The following PDE1A variants were observed in gnomAD, a reference collection of about 807,000 sequenced individuals.
The protein encoded by PDE1A is phosphodiesterase 1A, also known as dual specificity calcium/calmodulin-dependent 3',5'-cyclic nucleotide phosphodiesterase 1A.
Under a neutral mutation model 61.7 loss-of-function variants are expected in PDE1A, and 35 were observed. That is an observed-to-expected ratio of 0.57 (90% confidence interval 0.43 to 0.75). The LOEUF (loss-of-function observed/expected upper bound fraction) is 0.75. Among genes scored for constraint, PDE1A ranks in the 30% least tolerant of loss-of-function variants. The pLI is 0.00. For missense variants in PDE1A, 597 were observed against 630.6 expected (o/e 0.95, Z 0.57); for synonymous variants, 232 against 213.2 (o/e 1.09, Z -0.77).
the PDE1A span, among the ~76,000 whole-genome samples, chr2:182,648,511 C>CAAAAAAA: frequency 1.4e-4 from 11 of 76,190 alleles, no homozygotes; most frequent in African/African-American, 2.4e-4. Context: ...CCTGTCCCCA[C>CAAAAAAA]AAAAAAAAAA....
At chr2:182,196,743 G>A (rs753069044) in intron 10 of PDE1A, among the ~76,000 whole-genome samples, 4 of 150,890 alleles carry the variant, frequency 2.7e-5, no homozygotes, top group Non-Finnish European at 6.0e-5. Context: ...ATTGTCATTT[G>A]TATCATTAGT....
chr2:182,204,061 A>G (rs984738360), intron 8 of PDE1A, among the ~76,000 whole-genome samples: 1 of 152,196 alleles, frequency 6.6e-6, no homozygotes, highest in South Asian at 2.1e-4. Flanking sequence ...ATAACAAAAT[A>G]TAATAGGAAA....
chr2:182,207,587 G>A (rs1394326015), intron 7 of PDE1A, among the ~76,000 whole-genome samples: 1 of 152,216 alleles, frequency 6.6e-6, no homozygotes, highest in African/African-American at 2.4e-5. Context: ...TAAAATAGTT[G>A]CAGCCTGACC....
chr2:182,244,285 A>G (rs1041804077), intron 2 of PDE1A, among the ~76,000 whole-genome samples: 2 of 151,976 alleles, frequency 1.3e-5, no homozygotes, highest in Non-Finnish European at 2.9e-5. Context: ...TCTAGTTTCC[A>G]TATCTATCAT....
chr2:182,647,445 T>C, the PDE1A span, among the ~76,000 whole-genome samples: 1 of 152,354 alleles, frequency 6.6e-6, no homozygotes, highest in Admixed American at 6.5e-5. Flanking sequence ...TCATTTTTCC[T>C]ATGGTATCTT....
chr2:182,294,495 C>T (rs1391268261), intron 1 of PDE1A, among the ~76,000 whole-genome samples: 1 of 152,132 alleles, frequency 6.6e-6, no homozygotes, highest in Non-Finnish European at 1.5e-5. Context: ...CATGAAAACA[C>T]ACATATGAGG....
At chr2:182,684,809 A>G in the PDE1A span, among the ~76,000 whole-genome samples, 1 of 152,174 alleles carries the variant, frequency 6.6e-6, no homozygotes, top group Admixed American at 6.5e-5. Flanking sequence ...TTAATTGACC[A>G]TATAACATAT....
rs916480367 is a variant in PDE1A, at chr2:182,380,818, T to C, written c.53+45760A>G. Among the ~76,000 whole-genome samples the C allele has an allele frequency of 1.0e-3, 159 of 152,216 alleles. 16 individuals carry two copies. The highest frequency in any genetic ancestry group is 1.2e-4 in the African/African-American group (5 of 41,458). ...CCAGTTCACAAGGTAACCAGACTAA[T>C]AGTTATTTAATAAAGCAATAAATAT... On this transcript the variant is annotated intron_variant, in intron 1 of 13. Transcript: ENST00000351439.
rs114356850 is a variant in PDE1A at position 182,372,266 on chromosome 2, G to T, written c.53+54312C>A. Among the ~76,000 whole-genome samples the T allele has an allele frequency of 8.6e-3, 1,313 of 152,280 alleles. 14 individuals are homozygous for T. The highest frequency in any genetic ancestry group is 0.028 in the African/African-American group (1,171 of 41,552). ...CTGCATAACTGCTATGAGGAGGAAG[G>T]TATTGTGTTTGACATTACATAGGGG... On this transcript the variant is annotated intron_variant, in intron 1 of 13. Coordinates refer to ENST00000351439, the Ensembl canonical transcript of PDE1A.
chr2:182,411,322 C>T (rs1702603227), intron 1 of PDE1A, among the ~76,000 whole-genome samples: 2 of 152,192 alleles, frequency 1.3e-5, no homozygotes, highest in Admixed American at 1.3e-4. Flanking sequence ...GCGATATTTG[C>T]ACACACTGTT....
At chr2:182,641,886 C>T in the PDE1A span, among the ~76,000 whole-genome samples, 788 of 152,248 alleles carry the variant, frequency 5.2e-3, 9 homozygotes, top group South Asian at 0.042. Flanking sequence ...CTTCAATTGT[C>T]GAAAGGTGCA....
intron 1 of PDE1A, among the ~76,000 whole-genome samples, chr2:182,394,975 T>C (rs1701621569): frequency 6.6e-6 from 1 of 152,126 alleles, no homozygotes. Flanking sequence ...CATATTCAAG[T>C]CTCCTGGTTC....
At chr2:182,674,256 A>G in the PDE1A span, among the ~76,000 whole-genome samples, 4 of 151,884 alleles carry the variant, frequency 2.6e-5, no homozygotes, top group African/African-American at 4.8e-5. Flanking sequence ...ATTGCTTTCA[A>G]ACTTGCCTCA....
intron 8 of PDE1A, among the ~76,000 whole-genome samples, chr2:182,204,415 C>A (rs532154552): frequency 1.6e-4 from 25 of 152,254 alleles, no homozygotes; most frequent in African/African-American, 5.5e-4. Context: ...TAAGTTTGAA[C>A]TGTGTGGGAC....
chr2:182,606,356 C>CT, the PDE1A span, among the ~76,000 whole-genome samples: 3 of 152,030 alleles, frequency 2.0e-5, no homozygotes, highest in Non-Finnish European at 4.4e-5. Context: ...TTTTTTGTAT[C>CT]TTTAGTAGAG....
At chr2:182,453,560 T>G (rs1395546594) in intron 2 of PDE1A, among the ~76,000 whole-genome samples, 1 of 152,078 alleles carries the variant, frequency 6.6e-6, no homozygotes, top group Non-Finnish European at 1.5e-5. Context: ...ATCAAAAAGC[T>G]TATCCACCAT....
chr2:182,185,956 G>C (rs776615015), exon 13 of PDE1A: 21 of 1,614,014 alleles, frequency 1.3e-5, no homozygotes, highest in Non-Finnish European at 1.7e-5. Context: ...GGTTGTTCTT[G>C]AAACTCTTCA....
chr2:182,515,994 G>C (rs2887207), intron 2 of PDE1A, among the ~76,000 whole-genome samples: 1 of 145,698 alleles, frequency 6.9e-6, no homozygotes, highest in Non-Finnish European at 1.5e-5. Flanking sequence ...GTGTGTGTGT[G>C]TGTGTGTGTT....
At chr2:182,273,877 G>A (rs750618392) in intron 1 of PDE1A, among the ~76,000 whole-genome samples, 11 of 152,036 alleles carry the variant, frequency 7.2e-5, no homozygotes, top group African/African-American at 2.7e-4. Flanking sequence ...AAATAACAAA[G>A]GAATGGTTAA....
Sources: gnomAD v4.1 joint callset for allele counts (sites outside exome capture counted in the v4.1 genomes callset) on GRCh38, gnomAD v4.1.1 for gene constraint, MANE v1.5 for transcripts, NCBI Gene and HGNC (gene_info 2026-07-23, HGNC 2026-07-21) for gene names.